The following EPHA6 variants were observed in gnomAD, a reference collection of about 807,000 sequenced individuals.
EPHA6 encodes EPH receptor A6, also known as ephrin type-A receptor 6.
In EPHA6, 50 loss-of-function variants were observed where a neutral mutation model predicts 112.0. That is an observed-to-expected ratio of 0.45 (90% CI 0.36 to 0.56). The LOEUF (loss-of-function observed/expected upper bound fraction) is 0.56. Ranked by LOEUF, EPHA6 falls within the 20% of genes least tolerant of loss-of-function variation. The probability of loss-of-function intolerance (pLI) is 0.00; values close to 1 mark genes in which losing one functional copy is unlikely to be tolerated. For missense variants in EPHA6, 1,280 were observed against 1,417.4 expected (o/e 0.90, Z 1.56); for synonymous variants, 529 against 490.7 (o/e 1.08, Z -1.03).
At chr3:97,264,658 T>G (rs1359092240) in intron 5 of EPHA6, among the ~76,000 whole-genome samples, 2 of 152,178 alleles carry the variant, frequency 1.3e-5, no homozygotes, top group Non-Finnish European at 2.9e-5. Flanking sequence ...GCCTCGCCAT[T>G]TGGTGGGTCC....
At chr3:97,520,982 C>T (rs1028118256) in intron 10 of EPHA6, among the ~76,000 whole-genome samples, 1 of 151,950 alleles carries the variant, frequency 6.6e-6, no homozygotes, top group African/African-American at 2.4e-5. Context: ...CTAGTCTATT[C>T]TTGAACCTTT....
chr3:97,168,184 A>G (rs909650139), intron 3 of EPHA6, among the ~76,000 whole-genome samples: 2 of 151,452 alleles, frequency 1.3e-5, no homozygotes, highest in African/African-American at 4.9e-5. Flanking sequence ...TTATAAAATA[A>G]TTAATTTTTT....
intron 1 of EPHA6, among the ~76,000 whole-genome samples, chr3:96,862,185 T>A (rs1184273638): frequency 6.6e-6 from 1 of 151,974 alleles, no homozygotes; most frequent in African/African-American, 2.4e-5. Flanking sequence ...CGAAGTATTC[T>A]CTGATTGTAT....
chr3:97,664,244 C>G (rs533892006), intron 14 of EPHA6, among the ~76,000 whole-genome samples: 1 of 152,272 alleles, frequency 6.6e-6, no homozygotes, highest in African/African-American at 2.4e-5. Flanking sequence ...AGCCCTTTGT[C>G]AGATGAGTAG....
chr3:96,822,706 AAAT>A (rs2033357714), intron 1 of EPHA6, among the ~76,000 whole-genome samples: 1 of 150,070 alleles, frequency 6.7e-6, no homozygotes, highest in Non-Finnish European at 1.5e-5. Context: ...AGTATATTTT[AAAT>A]AATTTTATAT....
intron 5 of EPHA6, among the ~76,000 whole-genome samples, chr3:97,353,201 G>A (rs1407409378): frequency 6.6e-6 from 1 of 151,902 alleles, no homozygotes; most frequent in Non-Finnish European, 1.5e-5. Context: ...GGCTTCAGGT[G>A]TGACCCAGCG....
intron 5 of EPHA6, among the ~76,000 whole-genome samples, chr3:97,250,865 C>CT (rs527843716): frequency 2.0e-3 from 286 of 146,474 alleles, no homozygotes; most frequent in African/African-American, 4.6e-3. Context: ...TTGATATTTT[C>CT]TTTTTTTTTT....
chr3:97,201,879 A>G (rs924647678), intron 3 of EPHA6, among the ~76,000 whole-genome samples: 2 of 152,086 alleles, frequency 1.3e-5, no homozygotes, highest in African/African-American at 4.8e-5. Context: ...GCCTGAATTA[A>G]TGCTGGCACA....
intron 2 of EPHA6, among the ~76,000 whole-genome samples, chr3:96,982,938 C>T (rs1044129694): frequency 6.6e-6 from 1 of 152,062 alleles, no homozygotes; most frequent in African/African-American, 2.4e-5. Context: ...TATTTTGAGC[C>T]TATGTGTGTC....
intron 3 of EPHA6, among the ~76,000 whole-genome samples, chr3:97,059,991 T>C (rs762918148): frequency 4.6e-5 from 7 of 151,844 alleles, no homozygotes; most frequent in Non-Finnish European, 1.0e-4. Context: ...TGTGGTGGCA[T>C]GTGCCTGTAG....
At chr3:97,297,513 G>T (rs902877260) in intron 5 of EPHA6, among the ~76,000 whole-genome samples, 1 of 152,050 alleles carries the variant, frequency 6.6e-6, no homozygotes, top group African/African-American at 2.4e-5. Context: ...TGGTGATTGT[G>T]TAAAACTCAT....
intron 3 of EPHA6, among the ~76,000 whole-genome samples, chr3:97,163,900 T>A: frequency 6.6e-6 from 1 of 152,222 alleles, no homozygotes; most frequent in East Asian, 1.9e-4. Context: ...AGTATACTTG[T>A]ATTATCATTA....
rs377313842 is a variant in EPHA6 at position 97,466,451 on chromosome 3, G to A, written c.1895-8901G>A. ...CATTTCAAGTGACAAAACTGTACTG[G>A]CTTAATGAAAAGTGGGACTTTATTG... On this transcript the variant is annotated intron_variant, in intron 7 of 17. Coordinates refer to ENST00000389672, the MANE Select transcript of EPHA6 (RefSeq NM_001080448.3). 2.1e-5 allele frequency: 33 copies of A among 1,543,442 alleles called. No homozygotes were observed. In the Admixed American group the frequency reaches 5.2e-4, roughly 24 times the overall value.
intron 13 of EPHA6, among the ~76,000 whole-genome samples, chr3:97,630,945 C>T (rs566975110): frequency 2.6e-5 from 4 of 152,094 alleles, no homozygotes; most frequent in African/African-American, 4.8e-5. Flanking sequence ...ATAAAACCAC[C>T]TGTGACCTGG....
intron 8 of EPHA6, 65 bp from the exon 9 acceptor site, chr3:97,479,229 A>C: frequency 8.5e-6 from 8 of 945,428 alleles, no homozygotes; most frequent in Non-Finnish European, 1.1e-5. Context: ...ATGTATTTTA[A>C]TTGGTTTTGC....
At chr3:97,564,581 T>A (rs558181852) in intron 11 of EPHA6, among the ~76,000 whole-genome samples, 32 of 152,182 alleles carry the variant, frequency 2.1e-4, no homozygotes, top group African/African-American at 7.7e-4. Flanking sequence ...AACCAAAATT[T>A]AGAAATCACA....
intron 5 of EPHA6, among the ~76,000 whole-genome samples, chr3:97,401,976 A>G (rs1047787106): frequency 2.0e-5 from 3 of 151,872 alleles, no homozygotes; most frequent in African/African-American, 4.8e-5. Flanking sequence ...TTTGAGGTTC[A>G]TCTTACTGAT....
chr3:96,953,934 G>C (rs149395072), intron 2 of EPHA6, among the ~76,000 whole-genome samples: 1 of 151,806 alleles, frequency 6.6e-6, no homozygotes, highest in South Asian at 2.1e-4. Context: ...GTGCAGTGGC[G>C]CAATCTCAGC....
chr3:97,041,880 G>T (rs112349007), intron 3 of EPHA6, among the ~76,000 whole-genome samples: 2 of 152,032 alleles, frequency 1.3e-5, no homozygotes, highest in African/African-American at 4.8e-5. Context: ...ATCCTCCCCA[G>T]TGATCTAATC....
Sources: gnomAD v4.1 joint callset for allele counts (sites outside exome capture counted in the v4.1 genomes callset) on GRCh38, gnomAD v4.1.1 for gene constraint, MANE v1.5 for transcripts, NCBI Gene and HGNC (gene_info 2026-07-23, HGNC 2026-07-21) for gene names.